Variants in TINAG observed in about 807,000 individuals in gnomAD.
TINAG encodes tubulointerstitial nephritis antigen.
A neutral mutation model predicts 72.7 loss-of-function variants in TINAG; 83 were observed. The ratio of observed to expected loss-of-function variants is 1.14; its 90% CI spans 0.96 to 1.37. The LOEUF (loss-of-function observed/expected upper bound fraction) is 1.37, where lower values mean the gene tolerates loss of function less well. TINAG is among the 40% of genes most tolerant of loss of function. The pLI is 0.00. For missense variants in TINAG, 685 were observed against 576.6 expected (o/e 1.19, Z -1.93); for synonymous variants, 234 against 189.9 (o/e 1.23, Z -1.91).
chr6:54,329,610 T>C (rs1028071168), intron 4 of TINAG, among the ~76,000 whole-genome samples: 4 of 152,080 alleles, frequency 2.6e-5, no homozygotes, highest in African/African-American at 9.7e-5. Flanking sequence ...AAGATCAAAT[T>C]CACACACAAC....
At chr6:54,349,988 C>T (rs1056037698) in intron 7 of TINAG, 92 bp downstream of exon 7, 32 of 732,922 alleles carry the variant, frequency 4.4e-5, no homozygotes, top group Non-Finnish European at 6.0e-5. Context: ...CTAATTAAAA[C>T]TATTATATTC....
chr6:54,339,525 T>C (rs1445175702), intron 4 of TINAG, among the ~76,000 whole-genome samples: 1 of 152,134 alleles, frequency 6.6e-6, no homozygotes, highest in East Asian at 1.9e-4. Flanking sequence ...AACTTAGTGA[T>C]AGCAGCCTGG....
At chr6:54,372,769 TATAC>T (rs1213287972) in intron 9 of TINAG, among the ~76,000 whole-genome samples, 2 of 131,972 alleles carry the variant, frequency 1.5e-5, no homozygotes, top group Non-Finnish European at 1.7e-5. Flanking sequence ...TATATATATA[TATAC>T]ACACACACAC....
At position 54,308,832 on chromosome 6, in the gene TINAG, C is replaced by A. The variant is rs771284942; in HGVS notation, c.282C>A (p.Cys94Ter). Reference sequence around the variant, plus strand: ...TCTGTGACAGAGAAAATTCTGATTGCTGTCCTGACTACAAGTCCTTTTGCC... The same window carrying A: ...TCTGTGACAGAGAAAATTCTGATTGATGTCCTGACTACAAGTCCTTTTGCC... ...DKFCDRENSDCCPDYKSFCRE... is the reference protein window; with the variant it reads ...DKFCDRENSD The change falls in exon 1 of 11, where the codon TGC becomes TGA. Residue 94 changes from cysteine (C) to a stop codon, truncating the protein, a stop_gained. Transcript: ENST00000259782. LOFTEE classifies it high-confidence loss of function. 1 of 1,613,804 alleles carries A rather than the reference C, an allele frequency of 6.2e-7. No homozygotes were observed. Among genetic ancestry groups the A allele is most frequent in the Admixed American group, 1.7e-5 (1 of 59,908 alleles).
intron 9 of TINAG, among the ~76,000 whole-genome samples, chr6:54,367,809 C>T (rs1202647855): frequency 6.6e-6 from 1 of 151,822 alleles, no homozygotes; most frequent in Non-Finnish European, 1.5e-5. Context: ...ACATTTATTT[C>T]TCACAGTGTT....
intron 9 of TINAG, among the ~76,000 whole-genome samples, chr6:54,374,987 G>T (rs142831379): frequency 1.3e-5 from 2 of 152,120 alleles, no homozygotes; most frequent in East Asian, 3.9e-4. Flanking sequence ...CCTGTTATCA[G>T]TCTATTGGGT....
At chr6:54,378,831 G>A (rs1450353379) in intron 9 of TINAG, among the ~76,000 whole-genome samples, 2 of 152,014 alleles carry the variant, frequency 1.3e-5, no homozygotes, top group Non-Finnish European at 2.9e-5. Context: ...ATCAGGAATA[G>A]GAGAAAGCAA....
intron 9 of TINAG, among the ~76,000 whole-genome samples, chr6:54,378,358 G>GT (rs1295700535): frequency 1.3e-5 from 2 of 152,132 alleles, no homozygotes; most frequent in Non-Finnish European, 2.9e-5. Context: ...GAGAAAGCAT[G>GT]TAACAATCCG....
chr6:54,335,535 T>G (rs540509158), intron 4 of TINAG, among the ~76,000 whole-genome samples: 1 of 152,238 alleles, frequency 6.6e-6, no homozygotes, highest in Middle Eastern at 3.4e-3. Flanking sequence ...TTAGAGAGGT[T>G]TTAATATGTG....
In TINAG at chr6:54,331,131, A is replaced by G. The variant is rs143209671; in HGVS notation, c.624+4215A>G. Reference sequence around the variant, plus strand: ...ATGAGGCCAGCATCATCTTGATACCAAAACCTGGCAGAGACACGACAAAAA... The same window carrying G: ...ATGAGGCCAGCATCATCTTGATACCGAAACCTGGCAGAGACACGACAAAAA... On this transcript the variant is annotated intron_variant, in intron 4 of 10. Coordinates refer to ENST00000259782, the MANE Select transcript of TINAG (RefSeq NM_014464.4). Among the ~76,000 whole-genome samples, 494 of 152,354 alleles carry G rather than the reference A, an allele frequency of 3.2e-3. 4 individuals are homozygous for G. The highest frequency in any genetic ancestry group is 0.011 in the African/African-American group (469 of 41,576).
At chr6:54,331,432 A>T (rs1468414313) in intron 4 of TINAG, among the ~76,000 whole-genome samples, 1 of 152,224 alleles carries the variant, frequency 6.6e-6, no homozygotes, top group African/African-American at 2.4e-5. Context: ...AACACTCAAT[A>T]AACTAGGTAT....
chr6:54,328,957 A>G lies in TINAG; in HGVS notation c.624+2041A>G, dbSNP rs570895637. On this transcript the variant is annotated intron_variant, in intron 4 of 10. Transcript: ENST00000259782. ...TGAAAAGGAACAAACAAAGCATCCA[A>G]GAAATATGGGACTATGTGAAAAGAC... 2.0e-3 allele frequency among the ~76,000 whole-genome samples: 300 copies of G among 152,246 alleles called. 2 individuals carry two copies. The highest frequency in any genetic ancestry group is 6.4e-3 in the African/African-American group (265 of 41,556).
At position 54,354,378 on chromosome 6, in the gene TINAG, A is replaced by G. The variant is rs1439644031; in HGVS notation, c.1127-135A>G. On this transcript the variant is annotated intron_variant, in intron 8 of 10. Transcript: ENST00000259782. ...AATTAATTAAGTAGGAAAGAAAATTAGGCTGAATCACACAGCCCCTTCTTA... is the reference window on the plus strand; with the variant it reads ...AATTAATTAAGTAGGAAAGAAAATTGGGCTGAATCACACAGCCCCTTCTTA... 3 of 747,486 alleles carry G rather than the reference A, an allele frequency of 4.0e-6. No homozygotes were observed. In the Admixed American group the frequency reaches 9.9e-5, roughly 25 times the overall value. The allele number at this position is 747,486 out of a possible 1,614,324, so 46.3% of individuals were successfully genotyped here. A position where few individuals can be genotyped will look rare whatever the true frequency, so the allele number is the denominator to read the frequency against.
At chr6:54,387,133 G>A (rs2150986567) in intron 10 of TINAG, among the ~76,000 whole-genome samples, 1 of 152,146 alleles carries the variant, frequency 6.6e-6, no homozygotes, top group South Asian at 2.1e-4. Context: ...AAATCCAAAT[G>A]GCCTAAATAG....
At chr6:54,334,024 T>A (rs1784804956) in intron 4 of TINAG, among the ~76,000 whole-genome samples, 1 of 152,178 alleles carries the variant, frequency 6.6e-6, no homozygotes, top group South Asian at 2.1e-4. Context: ...GGTTTTTCCC[T>A]TTCATTTTTA....
At chr6:54,372,768 A>G (rs1205276399) in intron 9 of TINAG, among the ~76,000 whole-genome samples, 2 of 144,360 alleles carry the variant, frequency 1.4e-5, no homozygotes, top group Admixed American at 7.0e-5. Flanking sequence ...ATATATATAT[A>G]TATACACACA....
intron 9 of TINAG, chr6:54,365,607 T>C (rs1046147977): frequency 3.3e-5 from 5 of 151,652 alleles, no homozygotes; most frequent in East Asian, 1.9e-4. Flanking sequence ...ACTCCATTCA[T>C]ATTCCTTTGG....
intron 1 of TINAG, among the ~76,000 whole-genome samples, chr6:54,317,078 G>T (rs1454254605): frequency 1.3e-5 from 2 of 151,930 alleles, no homozygotes; most frequent in African/African-American, 4.8e-5. Context: ...AGAAAGTAAA[G>T]CTACCGGACA....
At chr6:54,361,653 C>T (rs1475782478) in intron 9 of TINAG, among the ~76,000 whole-genome samples, 1 of 151,658 alleles carries the variant, frequency 6.6e-6, no homozygotes, top group Non-Finnish European at 1.5e-5. Context: ...TCACACATTT[C>T]TCACTTTAAA....
Sources: allele counts gnomAD v4.1 joint callset (sites outside exome capture counted in the v4.1 genomes callset), GRCh38; gene constraint gnomAD v4.1.1; transcripts MANE v1.5; gene names NCBI Gene and HGNC (gene_info 2026-07-23, HGNC 2026-07-21).